KAZN: variants seen among roughly 807,000 people sequenced by gnomAD.
KAZN encodes the protein kazrin.
Under a neutral mutation model 87.4 loss-of-function variants are expected in KAZN, and 40 were observed. That is an observed-to-expected ratio of 0.46 (90% CI 0.36 to 0.60). The LOEUF (loss-of-function observed/expected upper bound fraction) is 0.60. KAZN is among the 20% of genes least tolerant of loss of function. The probability of loss-of-function intolerance (pLI) is 0.00; values close to 1 mark genes in which losing one functional copy is unlikely to be tolerated. For synonymous variants in KAZN, 466 were observed against 458.3 expected (o/e 1.02, Z -0.22); for missense variants, 898 against 1,073.9 (o/e 0.84, Z 2.29).
intron 1 of KAZN, among the ~76,000 whole-genome samples, chr1:14,829,001 C>T (rs1282389397): frequency 6.6e-6 from 1 of 152,204 alleles, no homozygotes; most frequent in Non-Finnish European, 1.5e-5. Flanking sequence ...ACCCTTGCTA[C>T]AAGAGAGGCT....
At chr1:14,792,974 C>T (rs1163860250) in intron 1 of KAZN, among the ~76,000 whole-genome samples, 1 of 108,914 alleles carries the variant, frequency 9.2e-6, no homozygotes, top group African/African-American at 3.6e-5. Flanking sequence ...GACTCTGTCT[C>T]AAAAAAAAAA....
rs183915528 is a variant in KAZN at position 14,124,585 on chromosome 1, A to G, written c.92-55850A>G. Among the ~76,000 whole-genome samples the G allele has an allele frequency of 1.4e-4, 22 of 152,360 alleles. No individual in the cohort carries two copies. The East Asian group carries it at 4.2e-3, about 29-fold the overall frequency. On this transcript the variant is annotated intron_variant, in intron 1 of 16. Coordinates refer to the KAZN transcript ENST00000636203. ...CACATTTTGATTTAAACTCACACAG[A>G]AAAAGAAGGAAAGATCTTTTCTTAT...
chr1:15,055,737 GC>G (rs1674881821), intron 4 of KAZN, among the ~76,000 whole-genome samples: 1 of 152,168 alleles, frequency 6.6e-6, no homozygotes. Context: ...TGTAAGCAGT[GC>G]CCCCTAGAGT....
chr1:15,059,844 A>G (rs529177195), intron 5 of KAZN, among the ~76,000 whole-genome samples: 124 of 152,262 alleles, frequency 8.1e-4, no homozygotes, highest in African/African-American at 3.0e-3. Context: ...TATAAACATC[A>G]AGCACTTTCC....
intron 1 of KAZN, among the ~76,000 whole-genome samples, chr1:14,745,262 GAAAAAAA>G (rs528235060): frequency 1.0e-5 from 1 of 99,330 alleles, no homozygotes; most frequent in African/African-American, 3.4e-5. Context: ...AGAAAAAAAG[GAAAAAAA>G]AAAAAAAAAG....
intron 1 of KAZN, among the ~76,000 whole-genome samples, chr1:13,990,533 A>C (rs1639229083): frequency 6.6e-6 from 1 of 152,204 alleles, no homozygotes; most frequent in Admixed American, 6.5e-5. Context: ...AGTAGGGGAA[A>C]AGATTGGCTG....
chr1:14,315,988 T>C lies in KAZN; in HGVS notation c.249+135396T>C, dbSNP rs1010595800. ...GCAAGCTGCCCAACTTCTGCCCAGG[T>C]AGTTTTACCATTTCACATTCCCACC... is the stretch of plus-strand genomic sequence containing the variant. On this transcript the variant is annotated intron_variant, in intron 2 of 16. Coordinates refer to the KAZN transcript ENST00000636203. Among the ~76,000 whole-genome samples, 16 of 152,104 alleles carry C rather than the reference T, an allele frequency of 1.1e-4. No individual in the cohort carries two copies. In the East Asian group the frequency reaches 3.1e-3, roughly 29 times the overall value.
chr1:14,669,915 A>G (rs545423533), intron 1 of KAZN, among the ~76,000 whole-genome samples: 65 of 152,302 alleles, frequency 4.3e-4, no homozygotes, highest in Non-Finnish European at 7.4e-4. Context: ...GGTACCGCCA[A>G]TCTATCAGAG....
At chr1:14,538,153 G>A (rs1481079123) in intron 2 of KAZN, among the ~76,000 whole-genome samples, 24 of 152,096 alleles carry the variant, frequency 1.6e-4, no homozygotes. Context: ...AACAATATAT[G>A]GAGCAAGAAA....
intron 1 of KAZN, among the ~76,000 whole-genome samples, chr1:14,022,680 A>G (rs1173896139): frequency 2.6e-5 from 4 of 152,130 alleles, no homozygotes; most frequent in Non-Finnish European, 5.9e-5. Flanking sequence ...TCTCATTGAT[A>G]ATGTGAACAC....
chr1:14,095,846 G>A (rs567480358), intron 1 of KAZN, among the ~76,000 whole-genome samples: 16 of 152,156 alleles, frequency 1.1e-4, no homozygotes, highest in Non-Finnish European at 2.1e-4. Context: ...CTACTCTACT[G>A]TCAAAGCAAG....
chr1:14,402,237 C>G (rs1021899305), intron 2 of KAZN, among the ~76,000 whole-genome samples: 7 of 139,768 alleles, frequency 5.0e-5, no homozygotes, highest in Non-Finnish European at 1.1e-4. Context: ...TTTCTATAGG[C>G]CAAAAAAAAA....
At chr1:14,203,322 G>A (rs1055969193) in intron 2 of KAZN, among the ~76,000 whole-genome samples, 1 of 152,088 alleles carries the variant, frequency 6.6e-6, no homozygotes, top group Non-Finnish European at 1.5e-5. Flanking sequence ...TGGCTTCAGG[G>A]CACAGCCATG....
intron 2 of KAZN, among the ~76,000 whole-genome samples, chr1:14,430,213 C>CAA (rs35741487): frequency 1.8e-3 from 192 of 105,794 alleles, no homozygotes; most frequent in African/African-American, 4.2e-3. Flanking sequence ...GCCCTGCAAC[C>CAA]AAAAAAAAAA....
chr1:15,014,847 G>A (rs997793493), intron 2 of KAZN, among the ~76,000 whole-genome samples: 6 of 152,208 alleles, frequency 3.9e-5, no homozygotes, highest in South Asian at 2.1e-4. Flanking sequence ...CCCGCCTTCC[G>A]TGCCCTCACC....
chr1:14,599,116 T>C lies in KAZN; in HGVS notation c.119T>C (p.Leu40Pro). 1 of 1,532,952 alleles carries C rather than the reference T, an allele frequency of 6.5e-7. No homozygotes were observed. The highest frequency in any genetic ancestry group is 8.7e-7 in the Non-Finnish European group (1 of 1,143,486). The allele number at this position is 1,532,952 out of a possible 1,614,324, so 95.0% of individuals were successfully genotyped here. ...LTATNRRLAE[L>P]SGGGGPGPGP... ...GCCACCAACCGGAGACTGGCGGAAC[T>C]GAGCGGCGGCGGCGGCCCCGGCCCG... Residue 40 changes from leucine (L) to proline (P), a missense_variant, in exon 1 of 15, where the codon CTG becomes CCG. This residue lies in a region of KAZN where 250 missense variants were observed against 263.0 expected (regional missense o/e 0.95). Coordinates refer to ENST00000376030, the MANE Select transcript of KAZN (RefSeq NM_201628.3). This position sits in a 1 kb window ranked among gnomAD's most constrained non-coding sequence, Gnocchi z 4.4.
At chr1:14,344,163 C>CTTTTTTTTTTTT (rs55837460) in intron 2 of KAZN, among the ~76,000 whole-genome samples, 2 of 122,604 alleles carry the variant, frequency 1.6e-5, no homozygotes, top group African/African-American at 3.0e-5. Flanking sequence ...TTCATGTATT[C>CTTTTTTTTTTTT]TTTTTTTTTT....
intron 8 of KAZN, chr1:15,067,135 TGCAGGTGGGCCAG>T (rs1256227532): frequency 1.0e-6 from 1 of 985,650 alleles, no homozygotes; most frequent in Non-Finnish European, 1.2e-6. Context: ...GGGTTTAGGA[TGCAGGTGGGCCAG>T]GCAGGTGTTG....
intron 8 of KAZN, among the ~76,000 whole-genome samples, chr1:15,088,638 G>A (rs952451224): frequency 3.9e-5 from 6 of 152,118 alleles, no homozygotes; most frequent in African/African-American, 7.2e-5. Flanking sequence ...GATGGAATCC[G>A]GACATAAAAT....
Sources: gnomAD v4.1 joint callset for allele counts (sites outside exome capture counted in the v4.1 genomes callset) on GRCh38, gnomAD v4.1.1 for gene constraint, gnomAD v4.1.1 regional missense constraint, Gnocchi (gnomAD v3.1) non-coding constraint, MANE v1.5 for transcripts, NCBI Gene and HGNC (gene_info 2026-07-23, HGNC 2026-07-21) for gene names.